The following KIAA1671 variants were observed in gnomAD, a reference collection of about 807,000 sequenced individuals.
The protein encoded by KIAA1671 is uncharacterized protein KIAA1671.
A neutral mutation model predicts 131.2 loss-of-function variants in KIAA1671; 52 were observed. That is an observed-to-expected ratio of 0.40 (90% CI 0.32 to 0.50). The LOEUF (loss-of-function observed/expected upper bound fraction) is 0.50, where lower values mean the gene tolerates loss of function less well. Among genes scored for constraint, KIAA1671 ranks in the 20% least tolerant of loss-of-function variants. The pLI, the probability that KIAA1671 is intolerant of heterozygous loss-of-function variation, is 0.73. For synonymous variants in KIAA1671, 1,003 were observed against 961.6 expected (o/e 1.04, Z -0.80); for missense variants, 2,360 against 2,364.2 (o/e 1.00, Z 0.04).
At chr22:25,160,042 C>T (rs1933382612) in intron 6 of KIAA1671, among the ~76,000 whole-genome samples, 1 of 152,220 alleles carries the variant, frequency 6.6e-6, no homozygotes, top group Non-Finnish European at 1.5e-5. Context: ...AAACCCTTTA[C>T]ACTGACAGTT....
intron 1 of KIAA1671, among the ~76,000 whole-genome samples, chr22:24,953,572 G>T (rs990376853): frequency 1.3e-5 from 2 of 151,948 alleles, no homozygotes; most frequent in African/African-American, 2.4e-5. Context: ...AGGCAGGCCC[G>T]CGTGGTCCCC....
intron 6 of KIAA1671, among the ~76,000 whole-genome samples, chr22:25,075,382 C>T (rs1601287725): frequency 2.6e-5 from 4 of 152,252 alleles, no homozygotes; most frequent in Admixed American, 2.0e-4. Flanking sequence ...AGTTTTGTCA[C>T]GAATGTTCTT....
At chr22:25,116,056 A>T (rs1166358507) in intron 6 of KIAA1671, among the ~76,000 whole-genome samples, 1 of 152,130 alleles carries the variant, frequency 6.6e-6, no homozygotes, top group Non-Finnish European at 1.5e-5. Context: ...GATTACAGGC[A>T]TGAGCCACTG....
intron 6 of KIAA1671, among the ~76,000 whole-genome samples, chr22:25,135,917 C>T (rs1266183123): frequency 6.6e-6 from 1 of 152,250 alleles, no homozygotes; most frequent in Non-Finnish European, 1.5e-5. Context: ...TGCTTTGCAT[C>T]CTTGCAGCCA....
chr22:24,957,789 T>C (rs1921793101), intron 1 of KIAA1671, among the ~76,000 whole-genome samples: 1 of 148,438 alleles, frequency 6.7e-6, no homozygotes, highest in African/African-American at 2.5e-5. Flanking sequence ...GTGATTCTCC[T>C]ATCTCAGCCT....
intron 6 of KIAA1671, among the ~76,000 whole-genome samples, chr22:25,083,087 A>T (rs1007918181): frequency 1.1e-4 from 17 of 152,144 alleles, no homozygotes; most frequent in African/African-American, 3.9e-4. Context: ...ATATTAAAAA[A>T]CCAGAGACTT....
chr22:24,981,246 T>G lies in KIAA1671; in HGVS notation c.-208+28474T>G, dbSNP rs141230958. 2.5e-3 allele frequency among the ~76,000 whole-genome samples: 381 copies of G among 152,216 alleles called. 1 individual carries two copies. Among genetic ancestry groups the G allele is most frequent in the African/African-American group, 8.7e-3 (363 of 41,536 alleles). On this transcript the variant is annotated intron_variant, in intron 1 of 12. Coordinates refer to ENST00000358431, the MANE Select transcript of KIAA1671 (RefSeq NM_001145206.2). ...AATGTCGGTCACATCCTGCTGTGTT[T>G]TCTGGAAATACTTTGTTCTCCCTCA...
chr22:25,083,962 C>T (rs573116888), intron 6 of KIAA1671, among the ~76,000 whole-genome samples: 1 of 152,366 alleles, frequency 6.6e-6, no homozygotes, highest in African/African-American at 2.4e-5. Flanking sequence ...CAGTGAAAGC[C>T]GCCTTTGTCC....
intron 1 of KIAA1671, among the ~76,000 whole-genome samples, chr22:24,979,170 A>ATTTTTTTTT (rs71191010): frequency 1.3e-4 from 11 of 81,694 alleles, no homozygotes; most frequent in East Asian, 3.8e-4. Context: ...TAATTTTTGT[A>ATTTTTTTTT]TTTTTTTTTT....
At chr22:24,971,789 T>A (rs1278897845) in intron 1 of KIAA1671, among the ~76,000 whole-genome samples, 3 of 152,190 alleles carry the variant, frequency 2.0e-5, no homozygotes, top group African/African-American at 7.2e-5. Context: ...GGGGGTTACC[T>A]GGGCTTCCCC....
At chr22:25,147,478 C>G (rs1245629182) in intron 6 of KIAA1671, among the ~76,000 whole-genome samples, 1 of 152,136 alleles carries the variant, frequency 6.6e-6, no homozygotes, top group Non-Finnish European at 1.5e-5. Flanking sequence ...TAGGTGTGAG[C>G]CACCGCACCT....
chr22:25,141,381 T>C (rs543874318), intron 6 of KIAA1671, among the ~76,000 whole-genome samples: 67 of 148,654 alleles, frequency 4.5e-4, no homozygotes, highest in Non-Finnish European at 6.6e-4. Context: ...TACAGGCGCC[T>C]GCCACCACAC....
chr22:25,169,546 T>A (rs1042860979), intron 6 of KIAA1671, among the ~76,000 whole-genome samples: 1 of 152,128 alleles, frequency 6.6e-6, no homozygotes, highest in Admixed American at 6.5e-5. Flanking sequence ...GGTTTTGTCT[T>A]GAGGGCACCA....
intron 1 of KIAA1671, among the ~76,000 whole-genome samples, chr22:24,997,186 C>A (rs766318982): frequency 1.8e-4 from 27 of 152,158 alleles, no homozygotes; most frequent in Non-Finnish European, 3.7e-4. Context: ...AGTAACCAGG[C>A]ATAAAACAGT....
intron 6 of KIAA1671, among the ~76,000 whole-genome samples, chr22:25,122,025 A>G (rs945866590): frequency 1.3e-5 from 2 of 152,144 alleles, no homozygotes; most frequent in Non-Finnish European, 2.9e-5. Context: ...CTCCCTTGCT[A>G]TGTGGCTTTG....
Position 25,038,770 on chromosome 22 carries a change from G to A in KIAA1671, c.1640G>A (p.Gly547Glu). ...TTTGTTTCTTTCCAGCAAAAGGAGGGGCACAGTTTGGATGGAGCATGCATC... is the reference window on the plus strand; with the variant it reads ...TTTGTTTCTTTCCAGCAAAAGGAGGAGCACAGTTTGGATGGAGCATGCATC... ...PKEPREKQKE[G>E]HSLDGACIPR... The change falls in exon 5 of 13, where the codon GGG (glycine) becomes GAG (glutamate). Residue 547 changes from glycine (G) to glutamate (E), a missense_variant. This residue lies in a region of KIAA1671 where 1,185 missense variants were observed against 1,126.2 expected (regional missense o/e 1.05). Transcript: ENST00000358431. The A allele has an allele frequency of 1.4e-5, 21 of 1,532,198 alleles. No individual in the cohort carries two copies. The highest frequency in any genetic ancestry group is 1.9e-5 in the Non-Finnish European group (21 of 1,131,286). 94.9% of individuals were successfully genotyped at this position (1,532,198 alleles called of 1,614,324 possible).
At chr22:25,181,311 C>T (rs1601389211) in intron 9 of KIAA1671, among the ~76,000 whole-genome samples, 1 of 152,198 alleles carries the variant, frequency 6.6e-6, no homozygotes, top group Non-Finnish European at 1.5e-5. Context: ...ACACATGAAG[C>T]TCTCCACATT....
intron 6 of KIAA1671, among the ~76,000 whole-genome samples, chr22:25,093,736 C>CTCTCTT (rs1568950981): frequency 8.7e-6 from 1 of 115,218 alleles, no homozygotes; most frequent in African/African-American, 4.2e-5. Context: ...CACACACACA[C>CTCTCTT]ACTCTCTCTC....
intron 1 of KIAA1671, among the ~76,000 whole-genome samples, chr22:25,000,408 TGGTCTC>T (rs1451953845): frequency 1.9e-5 from 2 of 102,760 alleles, no homozygotes; most frequent in Admixed American, 2.1e-4. Context: ...TTAGCCGGGA[TGGTCTC>T]GATCTCCTGA....
Sources: allele counts gnomAD v4.1 joint callset (sites outside exome capture counted in the v4.1 genomes callset), GRCh38; gene constraint gnomAD v4.1.1; regional missense constraint gnomAD v4.1.1; transcripts MANE v1.5; gene names NCBI Gene and HGNC (gene_info 2026-07-23, HGNC 2026-07-21).